The following BCL9 variants were observed in gnomAD, a reference collection of about 807,000 sequenced individuals.
The protein encoded by BCL9 is B-cell CLL/lymphoma 9 protein.
A neutral mutation model predicts 88.5 loss-of-function variants in BCL9; 25 were observed. The observed-to-expected ratio is 0.28, with a 90% CI of 0.21 to 0.39. BCL9 has a LOEUF of 0.39. Ranked by LOEUF, BCL9 falls within the 10% of genes least tolerant of loss-of-function variation. The pLI is 1.00. For synonymous variants in BCL9, 711 were observed against 673.3 expected, an observed-to-expected ratio of 1.06 and a Z score of -0.87; for missense variants, 1,817 against 1,877.8, an observed-to-expected ratio of 0.97 and a Z score of 0.60.
At chr1:147,546,856 CAT>C (rs1654626263) in intron 1 of BCL9, among the ~76,000 whole-genome samples, 1 of 152,176 alleles carries the variant, frequency 6.6e-6, no homozygotes, top group African/African-American at 2.4e-5. Flanking sequence ...CATGCAGACA[CAT>C]GTGCAAGAGA....
intron 1 of BCL9, among the ~76,000 whole-genome samples, chr1:147,579,299 A>G (rs1553198380): frequency 6.6e-6 from 1 of 152,186 alleles, no homozygotes. Context: ...AATGATTCCT[A>G]GGATTCTTTC....
chr1:147,548,979 CTTTTTTTTTTT>C (rs72473603), intron 1 of BCL9, among the ~76,000 whole-genome samples: 1 of 111,340 alleles, frequency 9.0e-6, no homozygotes, highest in Non-Finnish European at 1.7e-5. Context: ...TTCTTTCTTT[CTTTTTTTTTTT>C]TTTTTTGACT....
At chr1:147,573,325 T>C (rs1655966589) in intron 1 of BCL9, among the ~76,000 whole-genome samples, 1 of 152,110 alleles carries the variant, frequency 6.6e-6, no homozygotes, top group Non-Finnish European at 1.5e-5. Context: ...TGGTGGCACA[T>C]GCCTGTAATC....
At chr1:147,601,889 T>C (rs1317931069) in intron 1 of BCL9, among the ~76,000 whole-genome samples, 5 of 151,946 alleles carry the variant, frequency 3.3e-5, no homozygotes, top group African/African-American at 1.2e-4. Flanking sequence ...TTTTATTTTA[T>C]TTATTATTAT....
At chr1:147,605,628 G>C (rs782600793) in intron 2 of BCL9, among the ~76,000 whole-genome samples, 1 of 152,128 alleles carries the variant, frequency 6.6e-6, no homozygotes, top group Non-Finnish European at 1.5e-5. Context: ...TATTTTGCTT[G>C]GACCAAGGTT....
chr1:147,577,833 A>AGTGTGT (rs1656177018), intron 1 of BCL9, among the ~76,000 whole-genome samples: 1 of 64,092 alleles, frequency 1.6e-5, no homozygotes, highest in African/African-American at 9.6e-5. Flanking sequence ...TTTTTCTACC[A>AGTGTGT]ATGTGTGTGT....
At chr1:147,601,570 T>C (rs1184689694) in intron 1 of BCL9, among the ~76,000 whole-genome samples, 1 of 147,616 alleles carries the variant, frequency 6.8e-6, no homozygotes, top group Non-Finnish European at 1.5e-5. Context: ...CAAAAGGATG[T>C]TGGAGGTAAG....
In BCL9 at chr1:147,625,525, CG is replaced by C. The variant is rs1658899601; in HGVS notation, c.*567del. 5.1e-6 allele frequency: 1 copy of C among 194,490 alleles called. No homozygotes were observed. The highest frequency in any genetic ancestry group is 9.7e-6 in the Non-Finnish European group (1 of 103,236). The allele number at this position is 194,490 out of a possible 1,614,324, so 12.0% of individuals were successfully genotyped here. On this transcript the variant is annotated 3_prime_UTR_variant, in exon 10 of 10. Transcript: ENST00000234739. Reference sequence around the variant, plus strand: ...TGCAGTGTATAGAAAAACCAAACTACGACCTCAGAGCAGAGTATTAATGAAA... The same window carrying C: ...TGCAGTGTATAGAAAAACCAAACTACACCTCAGAGCAGAGTATTAATGAAA...
chr1:147,555,877 A>G (rs1185929074), intron 1 of BCL9, among the ~76,000 whole-genome samples: 2 of 152,236 alleles, frequency 1.3e-5, no homozygotes, highest in Non-Finnish European at 2.9e-5. Flanking sequence ...TAGATCTTAC[A>G]GAAACAACAT....
intron 1 of BCL9, among the ~76,000 whole-genome samples, chr1:147,578,922 A>G (rs929022446): frequency 1.3e-5 from 2 of 151,638 alleles, no homozygotes; most frequent in Non-Finnish European, 1.5e-5. Flanking sequence ...CTGGAGTGCA[A>G]TGGCACGATC....
chr1:147,621,912 G>A (rs944546690), intron 8 of BCL9, among the ~76,000 whole-genome samples: 18 of 152,134 alleles, frequency 1.2e-4, no homozygotes, highest in Admixed American at 1.2e-3. Context: ...TACCTGAGTC[G>A]AATTCTAAAC....
In BCL9 at chr1:147,596,410, T is replaced by TTTC. The variant is rs1553200491; in HGVS notation, c.-477-8367_-477-8366insTTC. ...GAGATTAGATTGACTTTCTTTTTTT[T>TTTC]CTTTTCTTTTTTTTTTTTTTTGAGA... is the stretch of plus-strand genomic sequence containing the variant. On this transcript the variant is annotated intron_variant, in intron 1 of 9. Transcript: ENST00000234739. 0.016 allele frequency among the ~76,000 whole-genome samples: 15 copies of TTTC among 942 alleles called. 1 individual carries two copies. The South Asian group carries it at 0.22, about 14-fold the overall frequency. The allele number at this position is 942 out of a possible 152,430, so 0.6% of individuals were successfully genotyped here. A position where few individuals can be genotyped will look rare whatever the true frequency, so the allele number is the denominator to read the frequency against.
intron 1 of BCL9, among the ~76,000 whole-genome samples, chr1:147,565,532 G>A (rs1418688517): frequency 2.6e-5 from 4 of 152,194 alleles, no homozygotes; most frequent in African/African-American, 9.7e-5. Flanking sequence ...ATGAAAATTG[G>A]ATAGCACATC....
chr1:147,559,165 C>CTTTTTT (rs1485209680), intron 1 of BCL9, among the ~76,000 whole-genome samples: 1 of 145,418 alleles, frequency 6.9e-6, no homozygotes, highest in Non-Finnish European at 1.5e-5. Flanking sequence ...ATCTCTCCTA[C>CTTTTTT]TTTTTTTTCT....
At chr1:147,600,141 A>C (rs1219013426) in intron 1 of BCL9, 1 of 148,012 alleles carries the variant, frequency 6.8e-6, no homozygotes, top group Non-Finnish European at 1.5e-5. Flanking sequence ...GGAAAGGGGG[A>C]GGCGCCGGCG....
chr1:147,577,640 G>A (rs1339621576), intron 1 of BCL9, among the ~76,000 whole-genome samples: 2 of 152,264 alleles, frequency 1.3e-5, no homozygotes, highest in Middle Eastern at 3.4e-3. Context: ...GGAACAAAGT[G>A]TCTCTAGAGT....
intron 1 of BCL9, among the ~76,000 whole-genome samples, chr1:147,554,412 C>T (rs6676804): frequency 0.46 from 69,710 of 152,014 alleles, 19,751 homozygotes; most frequent in African/African-American, 0.82. Context: ...TTAAAATTAA[C>T]GAAAATTTCA....
chr1:147,622,667 TCAG>T, intron 9 of BCL9, 136 bp downstream of exon 9: 1 of 1,119,748 alleles, frequency 8.9e-7, no homozygotes, highest in Non-Finnish European at 1.2e-6. Flanking sequence ...TAAGGTAGTT[TCAG>T]TAGAATGAAA....
In BCL9 at chr1:147,620,400, A is replaced by C; in HGVS notation, c.2245A>C (p.Lys749Gln). The change falls in exon 8 of 10, where the codon AAA becomes CAA. Residue 749 changes from lysine to glutamine, a missense_variant. By Grantham distance (53) the Lys-to-Gln change is moderately conservative. Coordinates refer to ENST00000234739, the MANE Select transcript of BCL9 (RefSeq NM_004326.4). ...EAGAGPEEML[K>Q]LRPGGSDMLP... ...TGGGGCGGGCCCTGAGGAGATGCTG[A>C]AATTACGCCCAGGTGGCTCAGACAT... is the stretch of plus-strand genomic sequence containing the variant. 1 of 1,613,852 alleles carries C rather than the reference A, an allele frequency of 6.2e-7. No individual in the cohort carries two copies. Among genetic ancestry groups the C allele is most frequent in the Non-Finnish European group, 8.5e-7 (1 of 1,179,956 alleles).
Sources: allele counts gnomAD v4.1 joint callset (sites outside exome capture counted in the v4.1 genomes callset), GRCh38; gene constraint gnomAD v4.1.1; transcripts MANE v1.5; gene names NCBI Gene and HGNC (gene_info 2026-07-23, HGNC 2026-07-21).